The following ATE1 variants were observed in gnomAD, a reference collection of about 807,000 sequenced individuals.
ATE1 encodes the protein arginyl-tRNA--protein transferase 1.
In ATE1, 36 loss-of-function variants were observed where a neutral mutation model predicts 70.5. That is an observed-to-expected ratio of 0.51 (90% confidence interval 0.39 to 0.67). The LOEUF is 0.67. ATE1 is among the 30% of genes least tolerant of loss of function. The pLI, the probability that ATE1 is intolerant of heterozygous loss-of-function variation, is 0.00. For synonymous variants in ATE1, 232 were observed against 219.3 expected, an observed-to-expected ratio of 1.06 and a Z score of -0.51; for missense variants, 593 against 629.5, an observed-to-expected ratio of 0.94 and a Z score of 0.62.
intron 8 of ATE1, among the ~76,000 whole-genome samples, chr10:121,858,788 A>C (rs1318104676): frequency 6.6e-6 from 1 of 151,110 alleles, no homozygotes; most frequent in African/African-American, 2.4e-5. Flanking sequence ...AAATGTATAT[A>C]AGAAGGTATA....
chr10:121,927,608 T>A, intron 1 of ATE1: 1 of 960,304 alleles, frequency 1.0e-6, no homozygotes, highest in Non-Finnish European at 1.2e-6. Context: ...CTCCCGACTC[T>A]GGGGAGACCA....
chr10:121,820,484 T>C (rs1045192909), intron 10 of ATE1, among the ~76,000 whole-genome samples: 5 of 152,156 alleles, frequency 3.3e-5, no homozygotes, highest in Non-Finnish European at 7.4e-5. Flanking sequence ...GAACTCTTCA[T>C]TGTGTTTTAA....
chr10:121,850,184 C>T (rs1948999624), intron 8 of ATE1, among the ~76,000 whole-genome samples: 1 of 152,198 alleles, frequency 6.6e-6, no homozygotes, highest in South Asian at 2.1e-4. Context: ...CAATTAACAA[C>T]ATAAGCATTT....
intron 8 of ATE1, among the ~76,000 whole-genome samples, chr10:121,844,872 C>T (rs1438021544): frequency 6.6e-6 from 1 of 151,524 alleles, no homozygotes; most frequent in Non-Finnish European, 1.5e-5. Context: ...CATTTAATTG[C>T]ACTTTGTTTT....
chr10:121,851,586 T>G (rs1202645333), intron 8 of ATE1, among the ~76,000 whole-genome samples: 3 of 152,236 alleles, frequency 2.0e-5, no homozygotes, highest in African/African-American at 7.2e-5. Context: ...TTTTGTTTTG[T>G]TTTGTTTTTT....
intron 9 of ATE1, among the ~76,000 whole-genome samples, chr10:121,838,273 C>A (rs1449297998): frequency 6.6e-6 from 1 of 152,084 alleles, no homozygotes; most frequent in Non-Finnish European, 1.5e-5. Context: ...CCAACCTCCC[C>A]ACCCTCCTAC....
At chr10:121,846,076 G>A (rs1418848243) in intron 8 of ATE1, among the ~76,000 whole-genome samples, 1 of 142,292 alleles carries the variant, frequency 7.0e-6, no homozygotes, top group Non-Finnish European at 1.5e-5. Flanking sequence ...ACTCAGGCAG[G>A]AAATATACAA....
At chr10:121,873,428 A>C (rs1949928372) in intron 7 of ATE1, among the ~76,000 whole-genome samples, 1 of 152,154 alleles carries the variant, frequency 6.6e-6, no homozygotes, top group South Asian at 2.1e-4. Flanking sequence ...CAAGCCTGGT[A>C]CCATTGTTCT....
At chr10:121,865,619 G>A (rs1172015919) in intron 8 of ATE1, among the ~76,000 whole-genome samples, 3 of 152,158 alleles carry the variant, frequency 2.0e-5, no homozygotes, top group Non-Finnish European at 4.4e-5. Flanking sequence ...AGCCTAGCAG[G>A]GGAGTACATA....
In ATE1 at chr10:121,813,854, C is replaced by A. The variant is rs567324949; in HGVS notation, c.1257+22864G>T. ...CTGGATACCTTTTGATTCACAGACT[C>A]CTTTGAAAACCAGAAGAAAGTAACC... On this transcript the variant is annotated intron_variant, in intron 10 of 11. Transcript: ENST00000224652. Among the ~76,000 whole-genome samples, 11 of 152,304 alleles carry A rather than the reference C, an allele frequency of 7.2e-5. No homozygotes were observed. The East Asian group carries it at 2.1e-3, about 29-fold the overall frequency.
Position 121,913,881 on chromosome 10 carries a change from T to C in ATE1, c.246A>G (p.Leu82=). 1 of 1,612,328 alleles carries C rather than the reference T, an allele frequency of 6.2e-7. No individual in the cohort carries two copies. The change falls in exon 4 of 12, where the codon TTA becomes TTG. Residue 82 remains leucine (L), a synonymous_variant. Coordinates refer to ENST00000224652, the MANE Select transcript of ATE1 (RefSeq NM_001001976.3). ...TGTGAGATTTTGAAGGCTGAAATTG[T>C]AAAGGTCGGCACCTAGGAAAGCAAA... ...CPQYTIRCRP[L]QFQPSKSHKK...
chr10:121,776,755 G>T (rs1000387331), intron 11 of ATE1, among the ~76,000 whole-genome samples: 1 of 152,264 alleles, frequency 6.6e-6, no homozygotes, highest in Admixed American at 6.5e-5. Flanking sequence ...CGTGTGCACA[G>T]ATACATGAAA....
chr10:121,863,270 T>C (rs1388006063), intron 8 of ATE1, among the ~76,000 whole-genome samples: 2 of 150,500 alleles, frequency 1.3e-5, no homozygotes, highest in East Asian at 3.9e-4. Flanking sequence ...TTTTTTTTTT[T>C]TTTGAGACAG....
At chr10:121,880,249 C>T (rs369218497) in intron 7 of ATE1, among the ~76,000 whole-genome samples, 5 of 152,080 alleles carry the variant, frequency 3.3e-5, no homozygotes, top group African/African-American at 4.8e-5. Context: ...AGTTTGAATA[C>T]GCCCACATCT....
rs1468925372 is a variant in ATE1 at position 121,821,140 on chromosome 10, TTC to T, written c.1257+15576_1257+15577del. Among the ~76,000 whole-genome samples, 4 of 152,210 alleles carry T rather than the reference TTC, an allele frequency of 2.6e-5. No individual in the cohort carries two copies. In the East Asian group the frequency reaches 7.8e-4, roughly 30 times the overall value. On this transcript the variant is annotated intron_variant, in intron 10 of 11. Transcript: ENST00000224652. ...TTTGTATCGTTAGTAGAGACGGGGT[TTC>T]ACCATGTTAGCCAGGATGGTCTCGA...
At position 121,900,495 on chromosome 10, in the gene ATE1, G is replaced by T. The variant is rs113278319; in HGVS notation, c.814-501C>A. ...CATAGTTAACAACCATGACTCTGAA[G>T]TCACATTTCCTTTGTTCAAATCTTA... On this transcript the variant is annotated intron_variant, in intron 6 of 11. Coordinates refer to ENST00000224652, the MANE Select transcript of ATE1 (RefSeq NM_001001976.3). 1.2e-3 allele frequency among the ~76,000 whole-genome samples: 177 copies of T among 152,340 alleles called. 1 individual carries two copies. Among genetic ancestry groups the T allele is most frequent in the African/African-American group, 4.1e-3 (169 of 41,580 alleles).
intron 10 of ATE1, among the ~76,000 whole-genome samples, chr10:121,826,356 A>T (rs1014071738): frequency 6.6e-6 from 1 of 152,108 alleles, no homozygotes; most frequent in Non-Finnish European, 1.5e-5. Context: ...GCCAGGCTGG[A>T]GTGCAGTGGC....
At chr10:121,894,137 CAAAA>C (rs35919973) in intron 7 of ATE1, among the ~76,000 whole-genome samples, 2 of 60,290 alleles carry the variant, frequency 3.3e-5, no homozygotes, top group Non-Finnish European at 3.1e-5. Flanking sequence ...AACTCCATCT[CAAAA>C]AAAAAAAAAA....
intron 10 of ATE1, among the ~76,000 whole-genome samples, chr10:121,819,396 T>TA (rs1190220222): frequency 2.0e-5 from 3 of 152,102 alleles, no homozygotes; most frequent in African/African-American, 7.2e-5. Context: ...CATGGGCTCA[T>TA]AAAAACAAAC....
Sources: gnomAD v4.1 joint callset for allele counts (sites outside exome capture counted in the v4.1 genomes callset) on GRCh38, gnomAD v4.1.1 for gene constraint, MANE v1.5 for transcripts, NCBI Gene and HGNC (gene_info 2026-07-23, HGNC 2026-07-21) for gene names.